SCMH1: variants seen among roughly 807,000 people sequenced by gnomAD.
The protein encoded by SCMH1 is Scm polycomb group protein homolog 1, also known as polycomb protein SCMH1.
SCMH1 carries 37 observed loss-of-function variants against 70.8 expected under a neutral mutation model. The ratio of observed to expected loss-of-function variants is 0.52; its 90% CI spans 0.40 to 0.69. The LOEUF (loss-of-function observed/expected upper bound fraction) is 0.69, where lower values mean the gene tolerates loss of function less well. SCMH1 is among the 30% of genes least tolerant of loss of function. The pLI, the probability that SCMH1 is intolerant of heterozygous loss-of-function variation, is 0.00. For synonymous variants in SCMH1, 292 were observed against 307.4 expected (o/e 0.95, Z 0.52); for missense variants, 607 against 827.3 (o/e 0.73, Z 3.27).
At chr1:41,086,136 G>A (rs1322139610) in intron 8 of SCMH1, among the ~76,000 whole-genome samples, 1 of 152,126 alleles carries the variant, frequency 6.6e-6, no homozygotes, top group Non-Finnish European at 1.5e-5. Flanking sequence ...ACCACGCCCA[G>A]CCTTTCTTTT....
intron 10 of SCMH1, among the ~76,000 whole-genome samples, chr1:41,067,889 T>A (rs1215158365): frequency 6.6e-6 from 1 of 152,154 alleles, no homozygotes; most frequent in African/African-American, 2.4e-5. Flanking sequence ...GGAGACAATG[T>A]ATGTGTAGGG....
intron 1 of SCMH1, among the ~76,000 whole-genome samples, chr1:41,234,622 C>T (rs1265225653): frequency 6.6e-6 from 1 of 151,620 alleles, no homozygotes; most frequent in Non-Finnish European, 1.5e-5. Flanking sequence ...CTACAGGCAC[C>T]CGCCACCACA....
intron 6 of SCMH1, among the ~76,000 whole-genome samples, chr1:41,127,673 AC>A (rs1673556929): frequency 6.6e-6 from 1 of 152,180 alleles, no homozygotes; most frequent in South Asian, 2.1e-4. Flanking sequence ...ATATAACTGT[AC>A]CCAGAGACAG....
chr1:41,167,907 GTTTTGTTTTT>G (rs1361050024), intron 2 of SCMH1, among the ~76,000 whole-genome samples: 2 of 49,706 alleles, frequency 4.0e-5, no homozygotes. Flanking sequence ...TGCTGGCAGT[GTTTTGTTTTT>G]TTTTTTTTTT....
At chr1:41,214,692 T>C (rs980190086) in intron 1 of SCMH1, among the ~76,000 whole-genome samples, 2 of 152,174 alleles carry the variant, frequency 1.3e-5, no homozygotes, top group Non-Finnish European at 2.9e-5. Flanking sequence ...AATAGCTCAT[T>C]TGTTGAAACA....
At chr1:41,189,710 T>C (rs1651200747) in intron 1 of SCMH1, among the ~76,000 whole-genome samples, 1 of 152,240 alleles carries the variant, frequency 6.6e-6, no homozygotes, top group African/African-American at 2.4e-5. Flanking sequence ...GTAGCAACTA[T>C]ACATCTTTGT....
intron 6 of SCMH1, among the ~76,000 whole-genome samples, 171 bp downstream of exon 6, chr1:41,142,707 G>A (rs1056141791): frequency 6.6e-6 from 1 of 152,188 alleles, no homozygotes; most frequent in Admixed American, 6.5e-5. Flanking sequence ...ATGTAGAGAT[G>A]GAGATGTCCA....
chr1:41,039,171 T>C (rs1645739302), intron 12 of SCMH1, among the ~76,000 whole-genome samples: 1 of 152,224 alleles, frequency 6.6e-6, no homozygotes, highest in African/African-American at 2.4e-5. Context: ...AGACTGGGGA[T>C]AGTATTGTCT....
chr1:41,069,786 A>G (rs1167441298), intron 10 of SCMH1, among the ~76,000 whole-genome samples: 1 of 152,190 alleles, frequency 6.6e-6, no homozygotes, highest in Admixed American at 6.5e-5. Context: ...CAGCCTGACC[A>G]TGGCAGGTTC....
At chr1:41,231,943 A>C (rs906826196) in intron 1 of SCMH1, among the ~76,000 whole-genome samples, 7 of 150,778 alleles carry the variant, frequency 4.6e-5, no homozygotes, top group African/African-American at 1.5e-4. Flanking sequence ...AATCGCTTGA[A>C]CCCAGGGAGG....
chr1:41,066,294 C>T (rs1412916844), intron 10 of SCMH1, among the ~76,000 whole-genome samples: 2 of 152,116 alleles, frequency 1.3e-5, no homozygotes, highest in East Asian at 1.9e-4. Context: ...AAAGGGCTCT[C>T]GTTGCCAGGA....
At chr1:41,173,562 C>T (rs1646924370) in intron 2 of SCMH1, among the ~76,000 whole-genome samples, 1 of 152,030 alleles carries the variant, frequency 6.6e-6, no homozygotes, top group African/African-American at 2.4e-5. Flanking sequence ...GAAGGTTCCT[C>T]AAAAATCTGA....
At chr1:41,096,795 C>CT (rs11435636) in intron 8 of SCMH1, among the ~76,000 whole-genome samples, 2,753 of 152,132 alleles carry the variant, frequency 0.018, 71 homozygotes, top group African/African-American at 0.063. Context: ...CTTTCCCTAC[C>CT]TTTTTTCTCA....
intron 1 of SCMH1, among the ~76,000 whole-genome samples, chr1:41,218,510 A>G (rs1174294091): frequency 6.6e-6 from 1 of 152,172 alleles, no homozygotes; most frequent in Non-Finnish European, 1.5e-5. Flanking sequence ...AAGGCAAGAA[A>G]AGATTCTACC....
chr1:41,088,797 T>C (rs1289136975), intron 8 of SCMH1, among the ~76,000 whole-genome samples: 1 of 152,238 alleles, frequency 6.6e-6, no homozygotes, highest in East Asian at 1.9e-4. Context: ...CATAGTGGTA[T>C]GCATATAGAA....
chr1:41,111,338 T>TG (rs557888258), intron 8 of SCMH1, among the ~76,000 whole-genome samples: 112 of 152,300 alleles, frequency 7.4e-4, no homozygotes, highest in Middle Eastern at 3.4e-3. Context: ...AACATCATCT[T>TG]GCACTGCTTG....
chr1:41,234,231 TTGACAACAGCC>T (rs978903759), intron 1 of SCMH1, among the ~76,000 whole-genome samples: 1 of 152,132 alleles, frequency 6.6e-6, no homozygotes, highest in African/African-American at 2.4e-5. Context: ...GACTAGGAGT[TTGACAACAGCC>T]TGACAACATA....
At chr1:41,059,645 T>C (rs1251261796) in intron 10 of SCMH1, among the ~76,000 whole-genome samples, 2 of 152,224 alleles carry the variant, frequency 1.3e-5, no homozygotes, top group Non-Finnish European at 2.9e-5. Context: ...AAGAGGGCAC[T>C]GAGCTGGTTT....
intron 1 of SCMH1, among the ~76,000 whole-genome samples, chr1:41,233,343 A>G (rs1661677359): frequency 6.6e-6 from 1 of 152,142 alleles, no homozygotes; most frequent in African/African-American, 2.4e-5. Flanking sequence ...CATTCTGAAA[A>G]ATCCACTAAA....
Sources: gnomAD v4.1 joint callset for allele counts (sites outside exome capture counted in the v4.1 genomes callset) on GRCh38, gnomAD v4.1.1 for gene constraint, MANE v1.5 for transcripts, NCBI Gene and HGNC (gene_info 2026-07-23, HGNC 2026-07-21) for gene names.